TECRL: variants seen among roughly 807,000 people sequenced by gnomAD.
TECRL encodes trans-2,3-enoyl-CoA reductase-like.
In TECRL, 63 loss-of-function variants were observed where a neutral mutation model predicts 52.8. The ratio of observed to expected loss-of-function variants is 1.19; its 90% confidence interval spans 0.97 to 1.47. The LOEUF (loss-of-function observed/expected upper bound fraction) is 1.47. Among genes scored for constraint, TECRL ranks in the 40% most tolerant of loss-of-function variants. TECRL has a pLI of 0.00. For missense variants in TECRL, 482 were observed against 429.6 expected (o/e 1.12, Z -1.08); for synonymous variants, 164 against 141.9 (o/e 1.16, Z -1.10).
chr4:64,326,151 A>C (rs1041359499), intron 3 of TECRL, among the ~76,000 whole-genome samples: 1 of 152,070 alleles, frequency 6.6e-6, no homozygotes, highest in African/African-American at 2.4e-5. Context: ...CAACAAACCT[A>C]GTGGTTTGTC....
intron 8 of TECRL, among the ~76,000 whole-genome samples, 153 bp downstream of exon 8, chr4:64,299,821 G>C (rs1723903992): frequency 6.6e-6 from 1 of 150,694 alleles, no homozygotes; most frequent in African/African-American, 2.4e-5. Context: ...CTTGATTATA[G>C]AAAGTTATAT....
At chr4:64,343,014 T>C (rs765694977) in intron 2 of TECRL, among the ~76,000 whole-genome samples, 1 of 151,950 alleles carries the variant, frequency 6.6e-6, no homozygotes. Context: ...ATAGTCATAA[T>C]AAAAAATAAT....
chr4:64,364,348 A>G (rs1371116304), intron 2 of TECRL, among the ~76,000 whole-genome samples: 3 of 152,090 alleles, frequency 2.0e-5, no homozygotes, highest in Non-Finnish European at 2.9e-5. Flanking sequence ...CTAGAGGAAC[A>G]TCTAGAGAAA....
At chr4:64,289,540 T>G (rs1422554464) in intron 9 of TECRL, among the ~76,000 whole-genome samples, 170 bp downstream of exon 9, 1 of 152,074 alleles carries the variant, frequency 6.6e-6, no homozygotes, top group Non-Finnish European at 1.5e-5. Flanking sequence ...TACTAGAGAA[T>G]AAGACTTGGT....
chr4:64,398,117 G>C lies in TECRL; in HGVS notation c.234+11001C>G, dbSNP rs571931053. 3.1e-4 allele frequency among the ~76,000 whole-genome samples: 47 copies of C among 152,036 alleles called. No individual in the cohort carries two copies. In the East Asian group the frequency reaches 7.7e-3, roughly 25 times the overall value. On this transcript the variant is annotated intron_variant, in intron 1 of 11. Coordinates refer to ENST00000381210, the MANE Select transcript of TECRL (RefSeq NM_001010874.5). Reference sequence around the variant, plus strand: ...AGTTTGATACATTTAATGGATGTGAGAATTTTCATGTTATTATTAAATTTG... The same window carrying C: ...AGTTTGATACATTTAATGGATGTGACAATTTTCATGTTATTATTAAATTTG...
At chr4:64,316,978 A>G (rs992627627) in intron 4 of TECRL, among the ~76,000 whole-genome samples, 1 of 152,176 alleles carries the variant, frequency 6.6e-6, no homozygotes, top group Non-Finnish European at 1.5e-5. Context: ...ATATGTACAA[A>G]TTGAAAAAGG....
At chr4:64,282,181 T>G (rs1722862723) in intron 9 of TECRL, among the ~76,000 whole-genome samples, 1 of 152,010 alleles carries the variant, frequency 6.6e-6, no homozygotes, top group Non-Finnish European at 1.5e-5. Flanking sequence ...TATTGTCACT[T>G]TATTTTTGTT....
chr4:64,295,034 T>C (rs1280549022), intron 8 of TECRL, among the ~76,000 whole-genome samples: 1 of 151,780 alleles, frequency 6.6e-6, no homozygotes, highest in African/African-American at 2.4e-5. Flanking sequence ...ACTGTGTTCA[T>C]AAAATTATAA....
At chr4:64,286,139 G>A (rs1247854837) in intron 9 of TECRL, among the ~76,000 whole-genome samples, 2 of 150,720 alleles carry the variant, frequency 1.3e-5, no homozygotes, top group African/African-American at 2.4e-5. Context: ...CCCCCCACAA[G>A]GAAAACAAAA....
chr4:64,283,423 T>C (rs951765561), intron 9 of TECRL, among the ~76,000 whole-genome samples: 4 of 152,028 alleles, frequency 2.6e-5, no homozygotes, highest in African/African-American at 9.7e-5. Context: ...ACTCCATAGC[T>C]GATGGTAGGT....
chr4:64,320,060 G>C (rs1717792129), intron 4 of TECRL, among the ~76,000 whole-genome samples: 1 of 151,786 alleles, frequency 6.6e-6, no homozygotes, highest in African/African-American at 2.4e-5. Flanking sequence ...AAATTGTATA[G>C]AATTACACAT....
At chr4:64,354,328 G>A (rs1460372497) in intron 2 of TECRL, among the ~76,000 whole-genome samples, 1 of 152,116 alleles carries the variant, frequency 6.6e-6, no homozygotes, top group Non-Finnish European at 1.5e-5. Flanking sequence ...AGATAATCAT[G>A]TACAGAATAA....
At chr4:64,390,071 T>A (rs1289076343) in intron 1 of TECRL, among the ~76,000 whole-genome samples, 2 of 151,872 alleles carry the variant, frequency 1.3e-5, no homozygotes, top group African/African-American at 4.8e-5. Context: ...GTTCTTACTG[T>A]TTTAGTTTTG....
chr4:64,371,508 C>T lies in TECRL; in HGVS notation c.286+3664G>A, dbSNP rs142497707. On this transcript the variant is annotated intron_variant, in intron 2 of 11. Coordinates refer to ENST00000381210, the MANE Select transcript of TECRL (RefSeq NM_001010874.5). ...AGAGATTTCCTGGCTTACAATAATTCGTGCTGCAGTTCCTATAGAACATAT... is the reference window on the plus strand; with the variant it reads ...AGAGATTTCCTGGCTTACAATAATTTGTGCTGCAGTTCCTATAGAACATAT... Among the ~76,000 whole-genome samples the T allele has an allele frequency of 2.7e-3, 402 of 151,528 alleles. 4 individuals are homozygous for T. The highest frequency in any genetic ancestry group is 9.1e-3 in the African/African-American group (377 of 41,474).
intron 4 of TECRL, among the ~76,000 whole-genome samples, chr4:64,321,127 C>T (rs988415056): frequency 6.6e-6 from 1 of 151,822 alleles, no homozygotes; most frequent in Admixed American, 6.6e-5. Flanking sequence ...GTTTTTCACA[C>T]AGAAAATATT....
intron 8 of TECRL, among the ~76,000 whole-genome samples, chr4:64,293,222 T>C (rs1277432932): frequency 6.6e-6 from 1 of 152,130 alleles, no homozygotes; most frequent in African/African-American, 2.4e-5. Flanking sequence ...CTTAAATAAA[T>C]ACTTTGGTCA....
chr4:64,309,227 C>CT (rs935905650), intron 6 of TECRL, among the ~76,000 whole-genome samples: 9 of 152,042 alleles, frequency 5.9e-5, no homozygotes, highest in Non-Finnish European at 1.0e-4. Context: ...AAACAGGACA[C>CT]TTTTTTTACA....
chr4:64,386,178 T>C (rs1037536036), intron 1 of TECRL, among the ~76,000 whole-genome samples: 1 of 152,188 alleles, frequency 6.6e-6, no homozygotes, highest in Non-Finnish European at 1.5e-5. Context: ...TAGAATCAAT[T>C]AACACATACT....
intron 8 of TECRL, among the ~76,000 whole-genome samples, chr4:64,291,667 C>T (rs898269109): frequency 9.9e-5 from 15 of 151,692 alleles, no homozygotes; most frequent in African/African-American, 1.4e-4. Flanking sequence ...AATATTGGAA[C>T]GTCAATTGTT....
Sources: allele counts gnomAD v4.1 joint callset (sites outside exome capture counted in the v4.1 genomes callset), GRCh38; gene constraint gnomAD v4.1.1; transcripts MANE v1.5; gene names NCBI Gene and HGNC (gene_info 2026-07-23, HGNC 2026-07-21).